Variants in ITPR1 observed in about 807,000 individuals in gnomAD.
The protein encoded by ITPR1 is inositol 1,4,5-trisphosphate receptor type 1.
ITPR1 carries 96 observed loss-of-function variants against 318.4 expected under a neutral mutation model. The ratio of observed to expected loss-of-function variants is 0.30; its 90% CI spans 0.26 to 0.36. The LOEUF is 0.36. Ranked by LOEUF, ITPR1 falls within the 10% of genes least tolerant of loss-of-function variation. The pLI, the probability that ITPR1 is intolerant of heterozygous loss-of-function variation, is 1.00. For missense variants in ITPR1, 2,440 were observed against 3,460.2 expected (o/e 0.71, Z 7.40); for synonymous variants, 1,312 against 1,289.9 (o/e 1.02, Z -0.37).
At chr3:4,681,624 A>AAGTATGTGTGTGT (rs548578427) in intron 26 of ITPR1, among the ~76,000 whole-genome samples, 1 of 145,788 alleles carries the variant, frequency 6.9e-6, no homozygotes, top group African/African-American at 2.5e-5. Context: ...AGAGAGAGAA[A>AAGTATGTGTGTGT]GTGTGTGTGT....
chr3:4,689,223 T>TA (rs1324887746), intron 31 of ITPR1, among the ~76,000 whole-genome samples: 6 of 152,144 alleles, frequency 3.9e-5, no homozygotes, highest in African/African-American at 1.2e-4. Context: ...CTGTAACTTT[T>TA]AAAAAAACAT....
intron 4 of ITPR1, among the ~76,000 whole-genome samples, chr3:4,571,253 A>G (rs2087947971): frequency 6.6e-6 from 1 of 152,180 alleles, no homozygotes; most frequent in South Asian, 2.1e-4. Flanking sequence ...GGACTAAATG[A>G]TGCAGTTCAC....
At chr3:4,594,449 T>C (rs182505973) in intron 4 of ITPR1, among the ~76,000 whole-genome samples, 2 of 152,272 alleles carry the variant, frequency 1.3e-5, no homozygotes, top group Admixed American at 1.3e-4. Flanking sequence ...AAGATAAAGA[T>C]TCGTTTTTAT....
chr3:4,735,456 G>C, intron 44 of ITPR1, 102 bp downstream of exon 44: 1 of 961,614 alleles, frequency 1.0e-6, no homozygotes, highest in Non-Finnish European at 1.6e-6. Context: ...TTGTTTGAGA[G>C]ACAGCTCATT....
chr3:4,583,114 A>G (rs1458420002), intron 4 of ITPR1, among the ~76,000 whole-genome samples: 3 of 152,212 alleles, frequency 2.0e-5, no homozygotes, highest in Non-Finnish European at 2.9e-5. Context: ...CATTTCTCCT[A>G]TAAGGGAGAT....
intron 46 of ITPR1, among the ~76,000 whole-genome samples, chr3:4,772,771 G>T (rs978563193): frequency 6.6e-6 from 1 of 152,242 alleles, no homozygotes; most frequent in African/African-American, 2.4e-5. Context: ...AGTTCCCTGT[G>T]CCTCGTAGTG....
At chr3:4,657,215 A>G (rs2093730037) in intron 12 of ITPR1, among the ~76,000 whole-genome samples, 1 of 152,050 alleles carries the variant, frequency 6.6e-6, no homozygotes, top group African/African-American at 2.4e-5. Flanking sequence ...GCTTACGAAC[A>G]CTTGGATTCA....
intron 17 of ITPR1, among the ~76,000 whole-genome samples, chr3:4,665,745 T>C (rs1369414663): frequency 2.6e-5 from 4 of 152,342 alleles, no homozygotes; most frequent in African/African-American, 4.8e-5. Context: ...AGATATCTTA[T>C]ACATAGTTAT....
intron 44 of ITPR1, among the ~76,000 whole-genome samples, chr3:4,735,983 C>A (rs1163377783): frequency 6.6e-6 from 1 of 152,138 alleles, no homozygotes; most frequent in Non-Finnish European, 1.5e-5. Context: ...TTATAGATGT[C>A]CTTAAAAAAC....
chr3:4,810,372 A>G (rs984077192), intron 55 of ITPR1, among the ~76,000 whole-genome samples: 1 of 152,206 alleles, frequency 6.6e-6, no homozygotes, highest in African/African-American at 2.4e-5. Context: ...TAGCTCTTGG[A>G]AAACTAGCCA....
intron 5 of ITPR1, among the ~76,000 whole-genome samples, chr3:4,628,638 G>A (rs576740436): frequency 6.6e-6 from 1 of 152,168 alleles, no homozygotes; most frequent in Non-Finnish European, 1.5e-5. Context: ...TCCCCGTCAT[G>A]TAACATCATC....
chr3:4,541,363 G>T (rs1311561038), intron 4 of ITPR1, among the ~76,000 whole-genome samples: 1 of 152,038 alleles, frequency 6.6e-6, no homozygotes, highest in Non-Finnish European at 1.5e-5. Context: ...GCTTGGTTTA[G>T]AATTGTAGAT....
At chr3:4,611,516 C>A (rs927308922) in intron 4 of ITPR1, among the ~76,000 whole-genome samples, 1 of 151,508 alleles carries the variant, frequency 6.6e-6, no homozygotes, top group Non-Finnish European at 1.5e-5. Context: ...GCCGAGATCA[C>A]GCCACTGTAC....
chr3:4,782,417 C>G, intron 49 of ITPR1: 1 of 422,572 alleles, frequency 2.4e-6, no homozygotes, highest in Non-Finnish European at 4.2e-6. Context: ...AGTTTCATTT[C>G]TCACGACAGG....
At chr3:4,590,668 TG>T (rs2090325052) in intron 4 of ITPR1, among the ~76,000 whole-genome samples, 1 of 152,062 alleles carries the variant, frequency 6.6e-6, no homozygotes, top group Non-Finnish European at 1.5e-5. Context: ...CTTGAATAGC[TG>T]GGACTACAGG....
At chr3:4,674,640 G>A (rs1386574954) in intron 22 of ITPR1, among the ~76,000 whole-genome samples, 4 of 152,154 alleles carry the variant, frequency 2.6e-5, no homozygotes, top group African/African-American at 9.7e-5. Context: ...CTTGCAATCT[G>A]CCATAGCTTA....
At chr3:4,757,055 G>A (rs1454973130) in intron 44 of ITPR1, among the ~76,000 whole-genome samples, 2 of 152,150 alleles carry the variant, frequency 1.3e-5, no homozygotes, top group African/African-American at 2.4e-5. Flanking sequence ...AAAGAACCCA[G>A]GGCACAAATG....
At chr3:4,598,737 T>G (rs1171127914) in intron 4 of ITPR1, among the ~76,000 whole-genome samples, 1 of 152,188 alleles carries the variant, frequency 6.6e-6, no homozygotes, top group Non-Finnish European at 1.5e-5. Flanking sequence ...AAAGAAATTG[T>G]CCCAACTTTG....
At position 4,711,736 on chromosome 3, in the gene ITPR1, C is replaced by A. The variant is rs78376371; in HGVS notation, c.4992-21C>A. ...TAAAATTAGCTTCAAGGAAGTAATC[C>A]GTGGTTTTCCCCCCATTCAGGTTAA... is the stretch of plus-strand genomic sequence containing the variant. On this transcript the variant is annotated intron_variant, in intron 38 of 61. Transcript: ENST00000649015. 8 of 1,294,494 alleles carry A rather than the reference C, an allele frequency of 6.2e-6. No individual in the cohort carries two copies. In the South Asian group the frequency reaches 1.0e-4, roughly 17 times the overall value. 80.2% of individuals were successfully genotyped at this position (1,294,494 alleles called of 1,614,324 possible). A position where few individuals can be genotyped will look rare whatever the true frequency, so the allele number is the denominator to read the frequency against.
Sources: allele counts gnomAD v4.1 joint callset (sites outside exome capture counted in the v4.1 genomes callset), GRCh38; gene constraint gnomAD v4.1.1; transcripts MANE v1.5; gene names NCBI Gene and HGNC (gene_info 2026-07-23, HGNC 2026-07-21).